PDS5B: variants seen among roughly 807,000 people sequenced by gnomAD.
PDS5B encodes sister chromatid cohesion protein PDS5 homolog B.
Under a neutral mutation model 184.1 loss-of-function variants are expected in PDS5B, and 51 were observed. The observed-to-expected ratio is 0.28, with a 90% CI of 0.22 to 0.35. The LOEUF is 0.35. Ranked by LOEUF, PDS5B falls within the 10% of genes least tolerant of loss-of-function variation. The pLI is 1.00. For missense variants in PDS5B, 1,180 were observed against 1,723.3 expected (o/e 0.68, Z 5.58); for synonymous variants, 566 against 569.2 (o/e 0.99, Z 0.08).
At chr13:32,665,734 T>TC (rs1239651076) in intron 6 of PDS5B, among the ~76,000 whole-genome samples, 1 of 152,026 alleles carries the variant, frequency 6.6e-6, no homozygotes, top group African/African-American at 2.4e-5. Flanking sequence ...AAGCTATTTG[T>TC]GGTAACCAAT....
intron 1 of PDS5B, among the ~76,000 whole-genome samples, chr13:32,643,416 A>G (rs981278995): frequency 3.3e-5 from 5 of 152,102 alleles, no homozygotes; most frequent in African/African-American, 4.8e-5. Context: ...ATGGTGTGAA[A>G]TATAGGTACA....
intron 23 of PDS5B, 82 bp from the exon 24 acceptor site, chr13:32,745,895 A>AT: frequency 8.3e-7 from 1 of 1,201,776 alleles, no homozygotes; most frequent in East Asian, 2.4e-5. Flanking sequence ...TTGTGCCAGA[A>AT]TTTTTAATAA....
chr13:32,699,587 G>T (rs1049794865), intron 15 of PDS5B, 143 bp from the exon 16 acceptor site: 1 of 466,512 alleles, frequency 2.1e-6, no homozygotes, highest in Non-Finnish European at 3.7e-6. Context: ...ACTGTTGAAG[G>T]TTTTTCACAA....
intron 30 of PDS5B, among the ~76,000 whole-genome samples, chr13:32,763,754 A>G (rs1954490134): frequency 6.6e-6 from 1 of 152,132 alleles, no homozygotes; most frequent in Non-Finnish European, 1.5e-5. Context: ...GGGAAGTGGA[A>G]ATAAGAAGAG....
intron 27 of PDS5B, 104 bp from the exon 28 acceptor site, chr13:32,758,430 T>C: frequency 8.6e-7 from 1 of 1,160,768 alleles, no homozygotes; most frequent in Non-Finnish European, 1.2e-6. Flanking sequence ...TTGCTTTCAT[T>C]AGTTTGCTAT....
Position 32,666,275 on chromosome 13 carries a change from G to T in PDS5B, c.625-1489G>T, listed in dbSNP as rs369112731. 4.6e-5 allele frequency among the ~76,000 whole-genome samples: 7 copies of T among 151,972 alleles called. No individual in the cohort carries two copies. In the East Asian group the frequency reaches 1.2e-3, roughly 25 times the overall value. On this transcript the variant is annotated intron_variant, in intron 6 of 34. Transcript: ENST00000315596. Reference sequence around the variant, plus strand: ...TTATTTTTATTGGAGACGGGGTTTTGCCATGTTGACCAGGCTTGGTCTCGC... The same window carrying T: ...TTATTTTTATTGGAGACGGGGTTTTTCCATGTTGACCAGGCTTGGTCTCGC...
At chr13:32,659,417 T>C (rs1459751871) in intron 6 of PDS5B, 137 bp downstream of exon 6, 3 of 499,056 alleles carry the variant, frequency 6.0e-6, no homozygotes, top group East Asian at 6.8e-5. Context: ...TTAATACATA[T>C]TTATTGTGAT....
intron 6 of PDS5B, among the ~76,000 whole-genome samples, chr13:32,660,696 G>A (rs1950619790): frequency 6.6e-6 from 1 of 152,172 alleles, no homozygotes; most frequent in Non-Finnish European, 1.5e-5. Context: ...CTTTGTTGGG[G>A]AAAATAAACC....
At chr13:32,687,767 G>T in intron 12 of PDS5B, among the ~76,000 whole-genome samples, 1 of 152,074 alleles carries the variant, frequency 6.6e-6, no homozygotes, top group Admixed American at 6.5e-5. Flanking sequence ...TGTATGGACT[G>T]CAGTCATTTA....
intron 21 of PDS5B, among the ~76,000 whole-genome samples, chr13:32,739,036 T>C (rs1953444249): frequency 6.6e-6 from 1 of 152,190 alleles, no homozygotes; most frequent in African/African-American, 2.4e-5. Flanking sequence ...AGTTAATACT[T>C]TTTACATCTT....
rs566704715 is a variant in PDS5B at position 32,753,526 on chromosome 13, A to T, written c.2931A>T (p.Ala977=). Residue 977 remains alanine, a synonymous_variant, in exon 25 of 35, where the codon GCA becomes GCT. Coordinates refer to ENST00000315596, the MANE Select transcript of PDS5B (RefSeq NM_015032.4). ...NVRREYLKQH[A]AVSEKLLSLL... ...GGCGGGAGTATCTGAAGCAGCATGCAGCTGTTAGTGGTAAGCATATAAGAA... is the reference window on the plus strand; with the variant it reads ...GGCGGGAGTATCTGAAGCAGCATGCTGCTGTTAGTGGTAAGCATATAAGAA... 6.2e-7 allele frequency: 1 copy of T among 1,612,202 alleles called. No homozygotes were observed. Among genetic ancestry groups the T allele is most frequent in the Non-Finnish European group, 8.5e-7 (1 of 1,178,546 alleles).
At chr13:32,693,191 A>G (rs532137401) in intron 13 of PDS5B, among the ~76,000 whole-genome samples, 5 of 152,110 alleles carry the variant, frequency 3.3e-5, no homozygotes, top group African/African-American at 9.6e-5. Flanking sequence ...TTCAATGTTT[A>G]TATTCTTGAA....
chr13:32,717,060 G>A (rs1203352449), intron 19 of PDS5B, among the ~76,000 whole-genome samples: 3 of 148,976 alleles, frequency 2.0e-5, no homozygotes, highest in Non-Finnish European at 3.0e-5. Context: ...TCGTCCGGGA[G>A]GGAGGTGGGG....
intron 1 of PDS5B, among the ~76,000 whole-genome samples, chr13:32,636,591 T>C (rs1227035193): frequency 6.6e-6 from 1 of 152,226 alleles, no homozygotes; most frequent in Non-Finnish European, 1.5e-5. Context: ...TTATTTAACC[T>C]CTTTGAACCT....
chr13:32,664,034 T>C (rs1262244243), intron 6 of PDS5B, among the ~76,000 whole-genome samples: 1 of 152,226 alleles, frequency 6.6e-6, no homozygotes, highest in African/African-American at 2.4e-5. Context: ...TCCAAGTTGC[T>C]GCAAAAGACA....
At chr13:32,751,742 T>G (rs1953989977) in intron 24 of PDS5B, among the ~76,000 whole-genome samples, 1 of 152,238 alleles carries the variant, frequency 6.6e-6, no homozygotes, top group Non-Finnish European at 1.5e-5. Context: ...TCTTAGAGAT[T>G]CTGGATATTA....
chr13:32,702,092 C>T (rs1325005370), intron 17 of PDS5B, among the ~76,000 whole-genome samples: 1 of 152,036 alleles, frequency 6.6e-6, no homozygotes, highest in African/African-American at 2.4e-5. Flanking sequence ...CGCATACTGA[C>T]TTACTAGTTA....
At chr13:32,717,007 G>A (rs1235079835) in intron 19 of PDS5B, among the ~76,000 whole-genome samples, 3 of 135,504 alleles carry the variant, frequency 2.2e-5, no homozygotes, top group East Asian at 2.2e-4. Flanking sequence ...TGCCCCGTCC[G>A]GGAGGGAGGT....
At chr13:32,699,322 A>G (rs1230452213) in intron 15 of PDS5B, among the ~76,000 whole-genome samples, 1 of 152,218 alleles carries the variant, frequency 6.6e-6, no homozygotes, top group South Asian at 2.1e-4. Context: ...TTAATGATAA[A>G]CAGGGAAATA....
Sources: gnomAD v4.1 joint callset for allele counts (sites outside exome capture counted in the v4.1 genomes callset) on GRCh38, gnomAD v4.1.1 for gene constraint, MANE v1.5 for transcripts, NCBI Gene and HGNC (gene_info 2026-07-23, HGNC 2026-07-21) for gene names.